Variants in SYBU observed in about 807,000 individuals in gnomAD.
SYBU encodes syntabulin.
A neutral mutation model predicts 35.9 loss-of-function variants in SYBU; 21 were observed. That is an observed-to-expected ratio of 0.58 (90% confidence interval 0.41 to 0.84). The LOEUF (loss-of-function observed/expected upper bound fraction) is 0.84. SYBU is among the 40% of genes least tolerant of loss of function. The pLI, the probability that SYBU is intolerant of heterozygous loss-of-function variation, is 0.00. For missense variants in SYBU, 768 were observed against 848.2 expected (o/e 0.91, Z 1.17); for synonymous variants, 319 against 324.3 (o/e 0.98, Z 0.18).
At chr8:109,608,419 A>C (rs1465403479) in intron 3 of SYBU, among the ~76,000 whole-genome samples, 1 of 152,196 alleles carries the variant, frequency 6.6e-6, no homozygotes, top group Non-Finnish European at 1.5e-5. Context: ...GCAAACACCA[A>C]GCACTTTGAG....
intron 3 of SYBU, among the ~76,000 whole-genome samples, chr8:109,613,567 T>C (rs1057093270): frequency 6.6e-6 from 1 of 151,928 alleles, no homozygotes; most frequent in Non-Finnish European, 1.5e-5. Context: ...GTACTTTTTT[T>C]CCCCCAAGAT....
At position 109,691,491 on chromosome 8, in the gene SYBU, C is replaced by T. The variant is rs1176533661; in HGVS notation, c.-216G>A. 8 of 527,260 alleles carry T rather than the reference C, an allele frequency of 1.5e-5. No homozygotes were observed. The highest frequency in any genetic ancestry group is 5.1e-5 in the South Asian group (2 of 38,882). 32.7% of individuals were successfully genotyped at this position (527,260 alleles called of 1,614,324 possible). ...CCGGGGAGCCGGGCCCGGCCCGCTC[C>T]GCCCGCCTTAGCCCGGCTTGGACAC... On this transcript the variant is annotated 5_prime_UTR_variant, in exon 1 of 8. Coordinates refer to the SYBU transcript ENST00000422135. The surrounding 1 kb of genome is among the most constrained non-coding windows in gnomAD (Gnocchi z 4.7).
Position 109,575,788 on chromosome 8 carries a change from C to G in SYBU, c.1110G>C (p.Glu370Asp). 6.2e-7 allele frequency: 1 copy of G among 1,614,162 alleles called. No homozygotes were observed. Among genetic ancestry groups the G allele is most frequent in the Non-Finnish European group, 8.5e-7 (1 of 1,180,016 alleles). The change falls in exon 7 of 7, where the codon GAG becomes GAC. Residue 370 changes from glutamate (E) to aspartate (D), a missense_variant. By Grantham distance (45) the Glu-to-Asp change is conservative. Coordinates refer to ENST00000276646, the MANE Select transcript of SYBU (RefSeq NM_001099754.2). ...CCATCTCCATGCTCTGAAGGAGAGA[C>G]TCCAGCTTCTTGTTTTGGATGTTTA... ...VDINIQNKKL[E>D]SLLQSMEMAH...
At chr8:109,670,893 G>A (rs1042488690) in intron 1 of SYBU, among the ~76,000 whole-genome samples, 1 of 152,046 alleles carries the variant, frequency 6.6e-6, no homozygotes, top group Non-Finnish European at 1.5e-5. Context: ...GGTAGAAATA[G>A]AGTTAGAATG....
At chr8:109,622,730 A>G (rs1005871056) in intron 2 of SYBU, among the ~76,000 whole-genome samples, 1 of 151,976 alleles carries the variant, frequency 6.6e-6, no homozygotes, top group African/African-American at 2.4e-5. Context: ...TTCCTGTACA[A>G]TCTATAGATT....
intron 2 of SYBU, 148 bp downstream of exon 2, chr8:109,642,580 C>T (rs1187890459): frequency 6.5e-6 from 3 of 463,480 alleles, no homozygotes; most frequent in Non-Finnish European, 7.3e-6. Context: ...TTGTAGGTCA[C>T]AACAGCCAGA....
chr8:109,643,346 T>C, intron 1 of SYBU: 1 of 207,396 alleles, frequency 4.8e-6, no homozygotes, highest in Non-Finnish European at 8.5e-6. Context: ...TTGCTTTCCC[T>C]AAATTAGCTG....
intron 1 of SYBU, among the ~76,000 whole-genome samples, chr8:109,656,323 C>T (rs201929989): frequency 6.6e-6 from 1 of 152,158 alleles, no homozygotes; most frequent in East Asian, 1.9e-4. Flanking sequence ...TTAGTGAACA[C>T]CTGGAATTTT....
At chr8:109,626,535 C>T in intron 2 of SYBU, among the ~76,000 whole-genome samples, 1 of 152,058 alleles carries the variant, frequency 6.6e-6, no homozygotes, top group East Asian at 1.9e-4. Flanking sequence ...TTATATATTT[C>T]AAAATATTAG....
intron 3 of SYBU, among the ~76,000 whole-genome samples, chr8:109,598,545 A>G (rs1018886376): frequency 2.0e-5 from 3 of 152,238 alleles, no homozygotes; most frequent in African/African-American, 7.2e-5. Context: ...ATTAAACGCC[A>G]TAATATGAAC....
chr8:109,615,228 T>C (rs1241407330), intron 3 of SYBU, among the ~76,000 whole-genome samples: 4 of 152,182 alleles, frequency 2.6e-5, no homozygotes, highest in African/African-American at 9.7e-5. Context: ...TAAATTGGTA[T>C]TGTTATTAAT....
upstream of SYBU, among the ~76,000 whole-genome samples, chr8:109,683,400 T>C (rs1817448560): frequency 6.6e-6 from 1 of 152,196 alleles, no homozygotes; most frequent in South Asian, 2.1e-4. Flanking sequence ...GACTGCCATA[T>C]TGGATTTTGA....
In SYBU at chr8:109,574,123, A is replaced by T. The variant is rs1367828999; in HGVS notation, c.*783T>A. ...CAGACCCCCTATTGATAAAGATGTAAGATCTGCTATTCATTGTCTTTCTTA... is the reference window on the plus strand; with the variant it reads ...CAGACCCCCTATTGATAAAGATGTATGATCTGCTATTCATTGTCTTTCTTA... On this transcript the variant is annotated 3_prime_UTR_variant, in exon 7 of 7. Transcript: ENST00000276646. 6.6e-6 allele frequency: 1 copy of T among 152,216 alleles called. No individual in the cohort carries two copies. The highest frequency in any genetic ancestry group is 6.5e-5 in the Admixed American group (1 of 15,278). The allele number at this position is 152,216 out of a possible 1,614,324, so 9.4% of individuals were successfully genotyped here.
intron 3 of SYBU, among the ~76,000 whole-genome samples, chr8:109,600,492 A>G (rs1432740018): frequency 6.6e-6 from 1 of 152,204 alleles, no homozygotes; most frequent in Non-Finnish European, 1.5e-5. Flanking sequence ...AGCCTGGCTT[A>G]TAGGAGACTC....
intron 2 of SYBU, among the ~76,000 whole-genome samples, chr8:109,623,399 GGATTAAGGGTAGTAGAAAGAATACTCACA>G (rs887754191): frequency 4.6e-5 from 7 of 152,172 alleles, no homozygotes; most frequent in Non-Finnish European, 7.3e-5. Flanking sequence ...TGAACACACA[GGATTAAGGGTAGTAGAAAGAATACTCACA>G]GATCCAGGAA....
intron 3 of SYBU, chr8:109,608,199 C>T: frequency 2.3e-6 from 1 of 434,844 alleles, no homozygotes; most frequent in Non-Finnish European, 4.0e-6. Context: ...GAAACCATCG[C>T]CCTCATGAAT....
At position 109,642,857 on chromosome 8, in the gene SYBU, T is replaced by C. The variant is rs960234238; in HGVS notation, c.100A>G (p.Met34Val). Residue 34 changes from methionine (M) to valine (V), a missense_variant, in exon 2 of 7, where the codon ATG becomes GTG. Coordinates refer to ENST00000276646, the MANE Select transcript of SYBU (RefSeq NM_001099754.2). ...GACACTTTGTGCTGTTGTTGGGGCA[T>C]ATGGGGCCGAAGAATCAACCGGGGA... ...RIPRLILRPH[M>V]PQQQHKVSPA... The C allele has an allele frequency of 6.2e-7, 1 of 1,610,102 alleles. No individual in the cohort carries two copies.
chr8:109,620,883 T>C (rs893988570), intron 2 of SYBU, among the ~76,000 whole-genome samples: 3 of 152,188 alleles, frequency 2.0e-5, no homozygotes, highest in Non-Finnish European at 4.4e-5. Flanking sequence ...TGCTAATTAC[T>C]CAGACACAGA....
In SYBU at chr8:109,629,918, T is replaced by C. The variant is rs530268784; in HGVS notation, c.230-10879A>G. ...CGGTGATGATGAGCATTTTTTCATG[T>C]GTTTTTTGGCTGCATAAATGTCTTC... On this transcript the variant is annotated intron_variant, in intron 2 of 6. Transcript: ENST00000276646. Among the ~76,000 whole-genome samples the C allele has an allele frequency of 2.4e-4, 36 of 152,286 alleles. 1 individual carries two copies. Among genetic ancestry groups the C allele is most frequent in the African/African-American group, 7.9e-4 (33 of 41,574 alleles).
Sources: allele counts gnomAD v4.1 joint callset (sites outside exome capture counted in the v4.1 genomes callset), GRCh38; gene constraint gnomAD v4.1.1; non-coding constraint Gnocchi (gnomAD v3.1); transcripts MANE v1.5; gene names NCBI Gene and HGNC (gene_info 2026-07-23, HGNC 2026-07-21).